Variants in PAX3 observed in about 807,000 individuals in gnomAD.
The protein encoded by PAX3 is paired box 3.
PAX3 carries 14 observed loss-of-function variants against 51.6 expected under a neutral mutation model. The ratio of observed to expected loss-of-function variants is 0.27; its 90% CI spans 0.18 to 0.42. PAX3 has a LOEUF of 0.42. PAX3 is among the 10% of genes least tolerant of loss of function. The pLI, the probability that PAX3 is intolerant of heterozygous loss-of-function variation, is 1.00. For synonymous variants in PAX3, 280 were observed against 253.4 expected (o/e 1.11, Z -1.00); for missense variants, 540 against 642.8 (o/e 0.84, Z 1.73).
At chr2:222,208,834 G>T (rs1406108399) in intron 7 of PAX3, among the ~76,000 whole-genome samples, 1 of 152,114 alleles carries the variant, frequency 6.6e-6, no homozygotes, top group Non-Finnish European at 1.5e-5. Context: ...AAAGCTCTAT[G>T]TTTGGGCATC....
chr2:222,226,093 A>G (rs1692373207), intron 5 of PAX3, among the ~76,000 whole-genome samples: 1 of 152,254 alleles, frequency 6.6e-6, no homozygotes, highest in African/African-American at 2.4e-5. Flanking sequence ...AATTCAGCCT[A>G]CATTATTCAA....
intron 4 of PAX3, among the ~76,000 whole-genome samples, chr2:222,255,165 A>G (rs2106133085): frequency 6.6e-6 from 1 of 152,352 alleles, no homozygotes; most frequent in East Asian, 1.9e-4. Flanking sequence ...TTCAGGCCAC[A>G]TTCATTTATA....
At chr2:222,283,760 A>G (rs1212564684) in intron 4 of PAX3, among the ~76,000 whole-genome samples, 4 of 152,228 alleles carry the variant, frequency 2.6e-5, no homozygotes, top group Non-Finnish European at 2.9e-5. Flanking sequence ...CCTGCTGCGA[A>G]GCCTAAGCCG....
intron 6 of PAX3, 150 bp from the exon 7 acceptor site, chr2:222,220,504 G>A (rs755193173): frequency 4.0e-6 from 3 of 743,906 alleles, no homozygotes; most frequent in Non-Finnish European, 7.2e-6. Flanking sequence ...ACCTGCAGGT[G>A]TAGAATCACC....
At chr2:222,297,781 G>A (rs1002919479) in intron 1 of PAX3, among the ~76,000 whole-genome samples, 2 of 152,216 alleles carry the variant, frequency 1.3e-5, no homozygotes, top group African/African-American at 4.8e-5. Context: ...GCAGCGGCAG[G>A]GCTGTTCCTG....
chr2:222,203,033 A>G (rs1559250388), intron 7 of PAX3, among the ~76,000 whole-genome samples: 1 of 111,904 alleles, frequency 8.9e-6, no homozygotes, highest in East Asian at 2.7e-4. Flanking sequence ...ATATATATAT[A>G]TATATATATA....
intron 4 of PAX3, among the ~76,000 whole-genome samples, chr2:222,239,627 C>A (rs1444982004): frequency 5.3e-5 from 8 of 152,052 alleles, no homozygotes; most frequent in Admixed American, 1.3e-4. Context: ...GAATTCTTAA[C>A]CCAGAACTAG....
rs45492698 is a variant in PAX3, at chr2:222,248,833, A to G, written c.587-16550T>C. ...GAAATGTCTTTGTGTGGTAAAGTTT[A>G]GTGGTTATTTTGACTGTCACAATGC... On this transcript the variant is annotated intron_variant, in intron 4 of 8. Coordinates refer to ENST00000392070, the MANE Select transcript of PAX3 (RefSeq NM_181458.4). Among the ~76,000 whole-genome samples, 936 of 152,294 alleles carry G rather than the reference A, an allele frequency of 6.1e-3. 5 individuals are homozygous for G. Among genetic ancestry groups the G allele is most frequent in the Middle Eastern group, 0.031 (9 of 294 alleles).
Position 222,239,329 on chromosome 2 carries a change from G to GTT in PAX3, c.587-7048_587-7047dup, listed in dbSNP as rs5838942. The stretch of plus-strand genomic sequence containing the variant: ...GATGAGAAAGGGGAGGTTGGGGTGG[G>GTT]TTTTTTTTTCAGAGAGAGAAGGAGG... On this transcript the variant is annotated intron_variant, in intron 4 of 8. Transcript: ENST00000392070. 4.3e-3 allele frequency among the ~76,000 whole-genome samples: 639 copies of GTT among 149,854 alleles called. 7 individuals carry two copies. The highest frequency in any genetic ancestry group is 0.014 in the African/African-American group (586 of 40,756).
intron 4 of PAX3, among the ~76,000 whole-genome samples, chr2:222,277,146 T>G (rs747558132): frequency 1.3e-5 from 2 of 151,884 alleles, no homozygotes; most frequent in Admixed American, 1.3e-4. Context: ...GGGGCTCCTC[T>G]TGAAAAAAAA....
intron 4 of PAX3, among the ~76,000 whole-genome samples, chr2:222,246,175 A>G: frequency 6.6e-6 from 1 of 152,182 alleles, no homozygotes; most frequent in East Asian, 1.9e-4. Context: ...AGGATCTGAC[A>G]ATGTGTCCTA....
intron 4 of PAX3, among the ~76,000 whole-genome samples, chr2:222,245,247 G>A (rs1199322346): frequency 6.6e-6 from 1 of 152,202 alleles, no homozygotes; most frequent in Non-Finnish European, 1.5e-5. Flanking sequence ...GGAAGGCCAA[G>A]CTTAACAAAA....
In PAX3 at chr2:222,200,422, GT is replaced by G. The variant is rs1691248122; in HGVS notation, c.*985del. On this transcript the variant is annotated 3_prime_UTR_variant, in exon 9 of 9. Coordinates refer to ENST00000392070, the MANE Select transcript of PAX3 (RefSeq NM_181458.4). ...GTCTCTAATCAAAGGAGCAACCCGG[GT>G]GTTGGTTGTCCAGCAAATGGCAAAC... is the stretch of plus-strand genomic sequence containing the variant. The G allele has an allele frequency of 4.4e-6, 1 of 229,366 alleles. No homozygotes were observed. The highest frequency in any genetic ancestry group is 8.7e-6 in the Non-Finnish European group (1 of 115,466). 14.2% of individuals were successfully genotyped at this position (229,366 alleles called of 1,614,324 possible).
chr2:222,261,335 G>T (rs550244503), intron 4 of PAX3, among the ~76,000 whole-genome samples: 1 of 152,156 alleles, frequency 6.6e-6, no homozygotes, highest in Admixed American at 6.5e-5. Context: ...TTTTCATAAT[G>T]CTCACATTGA....
intron 4 of PAX3, among the ~76,000 whole-genome samples, chr2:222,286,217 C>T (rs554397426): frequency 1.2e-3 from 177 of 152,344 alleles, no homozygotes; most frequent in African/African-American, 4.2e-3. Context: ...GGATTACAGG[C>T]GTGAGCCACC....
intron 4 of PAX3, 151 bp downstream of exon 4, chr2:222,294,016 C>T (rs1695149248): frequency 1.3e-6 from 2 of 1,546,436 alleles, no homozygotes; most frequent in Admixed American, 3.9e-5. Context: ...TCTGGTCTTT[C>T]AGTTCCATGT....
chr2:222,214,683 G>C (rs2106059305), intron 7 of PAX3: 1 of 152,048 alleles, frequency 6.6e-6, no homozygotes, highest in South Asian at 2.1e-4. Flanking sequence ...GTTGCTGAGT[G>C]GTGGGCAAAC....
At chr2:222,220,099 T>G in intron 7 of PAX3, 41 bp downstream of exon 7, 1 of 1,538,904 alleles carries the variant, frequency 6.5e-7, no homozygotes. Context: ...TATTTGGTTC[T>G]GGTATACAGC....
At chr2:222,290,055 C>T (rs1032062073) in intron 4 of PAX3, among the ~76,000 whole-genome samples, 1 of 152,164 alleles carries the variant, frequency 6.6e-6, no homozygotes, top group Admixed American at 6.5e-5. Context: ...CCCCGCCTTC[C>T]CCTCCTCCCA....
Sources: allele counts gnomAD v4.1 joint callset (sites outside exome capture counted in the v4.1 genomes callset), GRCh38; gene constraint gnomAD v4.1.1; transcripts MANE v1.5; gene names NCBI Gene and HGNC (gene_info 2026-07-23, HGNC 2026-07-21).